Variants in POGZ observed in about 807,000 individuals in gnomAD.
The protein encoded by POGZ is pogo transposable element derived with ZNF domain.
A neutral mutation model predicts 134.6 loss-of-function variants in POGZ; 17 were observed. The ratio of observed to expected loss-of-function variants is 0.13; its 90% CI spans 0.09 to 0.19. The LOEUF is 0.19. POGZ is among the 10% of genes least tolerant of loss of function. POGZ has a pLI of 1.00. For synonymous variants in POGZ, 693 were observed against 657.1 expected, an observed-to-expected ratio of 1.05 and a Z score of -0.84; for missense variants, 1,306 against 1,769.7, an observed-to-expected ratio of 0.74 and a Z score of 4.70.
At chr1:151,422,451 C>T (rs892357002) in intron 10 of POGZ, among the ~76,000 whole-genome samples, 6 of 152,166 alleles carry the variant, frequency 3.9e-5, no homozygotes, top group Non-Finnish European at 7.3e-5. Context: ...TAGAGGTGTA[C>T]GCTCATAAGC....
rs1192976269 is a variant in POGZ, at chr1:151,405,138, C to T, written c.3897G>A (p.Gln1299=). ...DTACDSDVLL[Q]LVLVWLGEVL... ...CTTCACCCAGCCAGACAAGCACCAG[C>T]TGAAGCAGGACATCAGAATCACATG... is the stretch of plus-strand genomic sequence containing the variant. The change falls in exon 19 of 19, where the codon CAG becomes CAA. Residue 1299 remains glutamine (Q), a synonymous_variant. Coordinates refer to ENST00000271715, the MANE Select transcript of POGZ (RefSeq NM_015100.4). The surrounding 1 kb of genome is among the most constrained non-coding windows in gnomAD (Gnocchi z 4.9). The T allele has an allele frequency of 8.7e-6, 14 of 1,614,136 alleles. No individual in the cohort carries two copies. The highest frequency in any genetic ancestry group is 1.6e-4 in the Middle Eastern group (1 of 6,084).
chr1:151,435,986 C>T (rs1270892915), intron 3 of POGZ, among the ~76,000 whole-genome samples: 44 of 116,094 alleles, frequency 3.8e-4, no homozygotes, highest in African/African-American at 1.1e-3. Flanking sequence ...GATGGAGTTT[C>T]GCTCTTGTTG....
chr1:151,430,244 T>C (rs1658476314), intron 4 of POGZ, among the ~76,000 whole-genome samples: 1 of 152,162 alleles, frequency 6.6e-6, no homozygotes, highest in Non-Finnish European at 1.5e-5. Flanking sequence ...ACACATTATA[T>C]ATCAAATAAG....
chr1:151,448,542 T>G (rs1571571630), intron 1 of POGZ, among the ~76,000 whole-genome samples: 1 of 152,186 alleles, frequency 6.6e-6, no homozygotes, highest in African/African-American at 2.4e-5. Flanking sequence ...TTTAGTTTAA[T>G]CAAGCCTTTT....
chr1:151,450,171 A>G (rs1409078025), intron 1 of POGZ, among the ~76,000 whole-genome samples: 1 of 151,650 alleles, frequency 6.6e-6, no homozygotes, highest in East Asian at 1.9e-4. Flanking sequence ...AGCTGGGACT[A>G]CAGGTGCCCA....
chr1:151,411,388 A>G (rs547043222), intron 12 of POGZ, among the ~76,000 whole-genome samples: 10 of 152,338 alleles, frequency 6.6e-5, no homozygotes, highest in East Asian at 1.9e-4. Flanking sequence ...TCTATATCCT[A>G]TAATTTCCCC....
At chr1:151,413,776 C>A (rs1655145639) in intron 10 of POGZ, among the ~76,000 whole-genome samples, 1 of 152,062 alleles carries the variant, frequency 6.6e-6, no homozygotes, top group South Asian at 2.1e-4. Context: ...ACCTCCCAAG[C>A]TCAAGCAATC....
intron 1 of POGZ, among the ~76,000 whole-genome samples, chr1:151,447,926 A>G (rs1325282052): frequency 6.6e-6 from 1 of 152,048 alleles, no homozygotes; most frequent in Non-Finnish European, 1.5e-5. Context: ...CTTTGCTGAT[A>G]GTCAAGATGT....
At chr1:151,440,842 C>T in intron 3 of POGZ, 86 bp downstream of exon 3, 1 of 1,117,960 alleles carries the variant, frequency 8.9e-7, no homozygotes, top group Non-Finnish European at 1.3e-6. Flanking sequence ...CTGTACCTAA[C>T]TAAACAGGTA....
intron 3 of POGZ, among the ~76,000 whole-genome samples, chr1:151,431,676 T>C (rs1343167621): frequency 6.6e-5 from 10 of 152,222 alleles, no homozygotes; most frequent in Admixed American, 6.5e-4. Flanking sequence ...AAGATAATGA[T>C]TCATTCATGA....
chr1:151,409,054 C>CT (rs375567870), intron 12 of POGZ, among the ~76,000 whole-genome samples: 1 of 152,276 alleles, frequency 6.6e-6, no homozygotes, highest in East Asian at 1.9e-4. Context: ...TCCAGGATGA[C>CT]TAAGTTCTCA....
At position 151,405,683 on chromosome 1, in the gene POGZ, G is replaced by A. The variant is rs755107238; in HGVS notation, c.3352C>T (p.Pro1118Ser). 50 of 1,614,012 alleles carry A rather than the reference G, an allele frequency of 3.1e-5. No homozygotes were observed. The highest frequency in any genetic ancestry group is 1.6e-4 in the Middle Eastern group (1 of 6,082). ...TCAATAGCCACAATCATAGACAAGG[G>A]TAAGTCCTGGTTGTGAATCTGCCGT... ...VQRQIHNQDL[P>S]LSMIVAIDEI... The change falls in exon 19 of 19, where the codon CCC (proline) becomes TCC (serine). Residue 1118 changes from proline to serine, a missense_variant. By Grantham distance (74) the Pro-to-Ser change is moderately conservative (BLOSUM62 -1). Transcript: ENST00000271715. This position sits in a 1 kb window ranked among gnomAD's most constrained non-coding sequence, Gnocchi z 4.9.
chr1:151,440,185 C>T (rs1660303618), intron 3 of POGZ, among the ~76,000 whole-genome samples: 1 of 150,040 alleles, frequency 6.7e-6, no homozygotes, highest in African/African-American at 2.4e-5. Flanking sequence ...TTTTTTTGTT[C>T]CTTTTTTTTT....
chr1:151,407,278 G>A lies in POGZ; in HGVS notation c.2389C>T (p.Arg797Trp), dbSNP rs765149436. ...AAAGCCAAATACTTGGGGCTCTTCC[G>A]TGGAACATGATTGCTGAGAAAGACA... is the stretch of plus-strand genomic sequence containing the variant. ...ANHMINNHVP[R>W]KSPKYLALFK... Residue 797 changes from arginine to tryptophan, a missense_variant, in exon 16 of 19, where the codon CGG becomes TGG. By Grantham distance (101) the Arg-to-Trp change is moderately radical. Around this residue, in one of 10 missense-constraint regions of POGZ, gnomAD observed 34 missense variants for 95.5 expected, o/e 0.36. Transcript: ENST00000271715. 3 of 1,609,114 alleles carry A rather than the reference G, an allele frequency of 1.9e-6. No individual in the cohort carries two copies. The highest frequency in any genetic ancestry group is 1.7e-5 in the Admixed American group (1 of 59,268).
rs1325375971 is a variant in POGZ, at chr1:151,405,450, C to T, written c.3585G>A (p.Lys1195=). The change falls in exon 19 of 19, where the codon AAG becomes AAA. Residue 1195 remains lysine (K), a synonymous_variant. Coordinates refer to ENST00000271715, the MANE Select transcript of POGZ (RefSeq NM_015100.4). This position sits in a 1 kb window ranked among gnomAD's most constrained non-coding sequence, Gnocchi z 4.9. ...TCTCGTCATCACTGTAGCCACTCTCCTTTGCCTCTAGCAATATGGAGTCTG... is the reference window on the plus strand; with the variant it reads ...TCTCGTCATCACTGTAGCCACTCTCTTTTGCCTCTAGCAATATGGAGTCTG... The part of the protein sequence containing the change: ...NMPDSILLEA[K]ESGYSDDEIM... The T allele has an allele frequency of 1.2e-6, 2 of 1,614,234 alleles. No homozygotes were observed. Among genetic ancestry groups the T allele is most frequent in the East Asian group, 4.5e-5 (2 of 44,886 alleles).
chr1:151,435,558 T>C (rs1368741863), intron 3 of POGZ, among the ~76,000 whole-genome samples: 1 of 151,636 alleles, frequency 6.6e-6, no homozygotes, highest in Non-Finnish European at 1.5e-5. Context: ...AGTAACGTGA[T>C]CTCAGCTCAC....
chr1:151,447,642 A>AATT (rs1263133268), intron 1 of POGZ, among the ~76,000 whole-genome samples: 7 of 52,936 alleles, frequency 1.3e-4, no homozygotes, highest in African/African-American at 4.5e-4. Flanking sequence ...TGTCTGGCTA[A>AATT]TTTTTTTTTT....
At chr1:151,408,319 T>G (rs1571339837) in intron 14 of POGZ, 79 bp from the exon 15 acceptor site, 2 of 1,574,448 alleles carry the variant, frequency 1.3e-6, no homozygotes, top group East Asian at 4.5e-5. Context: ...CAACAAACCC[T>G]GCTAAAAAGC....
At position 151,459,314 on chromosome 1, in the gene POGZ, T is replaced by A. The variant is rs1663229424; in HGVS notation, c.-164A>T. ...CGTTGAAAGCTCGTCTCCCCAAGGG[T>A]GAAAGGAAGCCTCCCTCGGGTTCGA... On this transcript the variant is annotated 5_prime_UTR_variant, in exon 1 of 19. Transcript: ENST00000271715. The A allele has an allele frequency of 7.3e-6, 1 of 136,556 alleles. No individual in the cohort carries two copies. Among genetic ancestry groups the A allele is most frequent in the African/African-American group, 2.8e-5 (1 of 36,226 alleles). 8.5% of individuals were successfully genotyped at this position (136,556 alleles called of 1,614,324 possible). A position where few individuals can be genotyped will look rare whatever the true frequency, so the allele number is the denominator to read the frequency against.
Sources: allele counts gnomAD v4.1 joint callset (sites outside exome capture counted in the v4.1 genomes callset), GRCh38; gene constraint gnomAD v4.1.1; regional missense constraint gnomAD v4.1.1; non-coding constraint Gnocchi (gnomAD v3.1); transcripts MANE v1.5; gene names NCBI Gene and HGNC (gene_info 2026-07-23, HGNC 2026-07-21).